Variants in EXOC5 observed in about 807,000 individuals in gnomAD.
The protein encoded by EXOC5 is SEC10-like 1.
A neutral mutation model predicts 90.8 loss-of-function variants in EXOC5; 17 were observed. That is an observed-to-expected ratio of 0.19 (90% CI 0.13 to 0.28). EXOC5 has a LOEUF of 0.28. Among genes scored for constraint, EXOC5 ranks in the 10% least tolerant of loss-of-function variants. The pLI is 1.00. For missense variants in EXOC5, 569 were observed against 830.6 expected (o/e 0.69, Z 3.87); for synonymous variants, 260 against 270.0 (o/e 0.96, Z 0.36).
At chr14:57,216,966 G>A (rs1446343181) in intron 15 of EXOC5, among the ~76,000 whole-genome samples, 1 of 152,080 alleles carries the variant, frequency 6.6e-6, no homozygotes, top group Non-Finnish European at 1.5e-5. Context: ...CAAAGAACCT[G>A]AATAAAAATT....
At chr14:57,236,555 G>C (rs973851152) in intron 6 of EXOC5, among the ~76,000 whole-genome samples, 5 of 151,844 alleles carry the variant, frequency 3.3e-5, no homozygotes, top group Non-Finnish European at 5.9e-5. Flanking sequence ...CAAAGTGCTG[G>C]GATTACAGGT....
chr14:57,219,497 G>A, intron 13 of EXOC5, 55 bp from the exon 14 acceptor site: 1 of 1,404,042 alleles, frequency 7.1e-7, no homozygotes, highest in South Asian at 1.4e-5. Flanking sequence ...ATTCATCTTG[G>A]CAACAGAAAA....
chr14:57,214,498 G>T (rs1882918425), intron 15 of EXOC5, among the ~76,000 whole-genome samples: 1 of 152,120 alleles, frequency 6.6e-6, no homozygotes, highest in South Asian at 2.1e-4. Flanking sequence ...AACTTATGAA[G>T]AATGGCCAAG....
At chr14:57,222,657 T>G (rs780465280) in intron 12 of EXOC5, among the ~76,000 whole-genome samples, 3 of 151,470 alleles carry the variant, frequency 2.0e-5, no homozygotes, top group Non-Finnish European at 4.4e-5. Context: ...TTGCAATCCA[T>G]TAGTGAAATC....
intron 15 of EXOC5, among the ~76,000 whole-genome samples, chr14:57,216,476 A>T (rs1316691816): frequency 2.6e-5 from 4 of 152,174 alleles, no homozygotes; most frequent in Non-Finnish European, 5.9e-5. Context: ...AGAGCCCAGA[A>T]ATAAATCCAT....
rs1041841867 is a variant in EXOC5 at position 57,200,878 on chromosome 14, C to G, written c.*7731G>C. The G allele has an allele frequency of 6.6e-6, 1 of 151,628 alleles. No homozygotes were observed. Among genetic ancestry groups the G allele is most frequent in the African/African-American group, 2.4e-5 (1 of 41,234 alleles). The allele number at this position is 151,628 out of a possible 1,614,324, so 9.4% of individuals were successfully genotyped here. On this transcript the variant is annotated 3_prime_UTR_variant, in exon 18 of 18. Transcript: ENST00000621441. ...TTTCTGCAATGACCATTCTTATTCC[C>G]TCAATTTGGTCCTAAAGCCAAAACT... is the stretch of plus-strand genomic sequence containing the variant.
rs1486872420 is a variant in EXOC5 at position 57,208,580 on chromosome 14, T to C, written c.*29A>G. On this transcript the variant is annotated 3_prime_UTR_variant, in exon 18 of 18. Transcript: ENST00000621441. ...ATAAGACATTCCTCTGTAAAGGAAC[T>C]GACACTGAATTCCTTTGTAAATTCA... 4 of 1,558,446 alleles carry C rather than the reference T, an allele frequency of 2.6e-6. No homozygotes were observed. Among genetic ancestry groups the C allele is most frequent in the South Asian group, 1.1e-5 (1 of 88,422 alleles).
rs974422749 is a variant in EXOC5, at chr14:57,231,659, G to C, written c.995C>G (p.Thr332Ser). ...MEFNLGTDKQ[T>S]FLSKLIKSIF... ...GGATTTGATAAGCTTAGACAAGAAA[G>C]TCTGTTTATCAGTACCTAAATTAAA... The change falls in exon 11 of 18, where the codon ACT (threonine) becomes AGT (serine). Residue 332 changes from threonine to serine, a missense_variant. Thr to Ser is a moderately conservative substitution (Grantham distance 58). Transcript: ENST00000621441. 2 of 1,613,096 alleles carry C rather than the reference G, an allele frequency of 1.2e-6. No individual in the cohort carries two copies. Among genetic ancestry groups the C allele is most frequent in the African/African-American group, 1.3e-5 (1 of 74,882 alleles).
chr14:57,261,594 A>T (rs563466614), intron 1 of EXOC5, among the ~76,000 whole-genome samples: 1 of 152,350 alleles, frequency 6.6e-6, no homozygotes, highest in South Asian at 2.1e-4. Context: ...CTGCCTAACA[A>T]CCACTCAAAT....
chr14:57,247,568 C>T (rs1884067046), intron 2 of EXOC5, 50 bp downstream of exon 2: 4 of 801,302 alleles, frequency 5.0e-6, no homozygotes, highest in East Asian at 2.8e-5. Context: ...TATTCTAACA[C>T]TAATGTGTAC....
Position 57,205,673 on chromosome 14 carries a change from T to C in EXOC5, c.*2936A>G, listed in dbSNP as rs1047919613. On this transcript the variant is annotated 3_prime_UTR_variant, in exon 18 of 18. Transcript: ENST00000621441. ...TCTCCACTTGGAATCAATCTACTGA[T>C]TGATAATTAAATTATTTCACTGTGA... 8.8e-6 allele frequency: 3 copies of C among 341,614 alleles called. No individual in the cohort carries two copies. Among genetic ancestry groups the C allele is most frequent in the African/African-American group, 6.5e-5 (3 of 46,030 alleles). 21.2% of individuals were successfully genotyped at this position (341,614 alleles called of 1,614,324 possible).
intron 1 of EXOC5, among the ~76,000 whole-genome samples, chr14:57,253,692 AG>A (rs1433549163): frequency 6.6e-6 from 1 of 152,190 alleles, no homozygotes; most frequent in Non-Finnish European, 1.5e-5. Context: ...TAGAAAGCCT[AG>A]AAAAAAAACC....
intron 12 of EXOC5, among the ~76,000 whole-genome samples, chr14:57,225,419 T>C (rs1229533234): frequency 2.0e-5 from 3 of 152,182 alleles, no homozygotes; most frequent in African/African-American, 7.2e-5. Flanking sequence ...AGATCAGAAA[T>C]AATGCAAAGT....
chr14:57,227,283 TAA>T (rs973966186), intron 12 of EXOC5, among the ~76,000 whole-genome samples: 1 of 151,082 alleles, frequency 6.6e-6, no homozygotes, highest in African/African-American at 2.4e-5. Context: ...GGCAGCTTCC[TAA>T]AAAAAAACCA....
At chr14:57,236,780 C>G (rs555737599) in intron 6 of EXOC5, among the ~76,000 whole-genome samples, 3 of 152,082 alleles carry the variant, frequency 2.0e-5, no homozygotes, top group Non-Finnish European at 4.4e-5. Context: ...CCAGCTACCA[C>G]AGAACCTGCA....
rs191178626 is a variant in EXOC5, at chr14:57,201,448, A to G, written c.*7161T>C. On this transcript the variant is annotated 3_prime_UTR_variant, in exon 18 of 18. Coordinates refer to ENST00000621441, the MANE Select transcript of EXOC5 (RefSeq NM_006544.4). Reference sequence around the variant, plus strand: ...TATATATACACACACACACGTGTGTATATATACACACGCGTGTATATGTAC... The same window carrying G: ...TATATATACACACACACACGTGTGTGTATATACACACGCGTGTATATGTAC... 2 of 146,078 alleles carry G rather than the reference A, an allele frequency of 1.4e-5. No individual in the cohort carries two copies. Among genetic ancestry groups the G allele is most frequent in the African/African-American group, 5.4e-5 (2 of 37,176 alleles). 9.0% of individuals were successfully genotyped at this position (146,078 alleles called of 1,614,324 possible).
intron 1 of EXOC5, among the ~76,000 whole-genome samples, chr14:57,253,298 G>A (rs1339730361): frequency 6.6e-6 from 1 of 151,988 alleles, no homozygotes; most frequent in Non-Finnish European, 1.5e-5. Flanking sequence ...GCACCAAAAA[G>A]AACAAAGTAT....
intron 13 of EXOC5, among the ~76,000 whole-genome samples, chr14:57,221,926 T>G (rs1312218686): frequency 1.3e-5 from 2 of 152,088 alleles, no homozygotes; most frequent in African/African-American, 4.8e-5. Flanking sequence ...GAATTTTAAT[T>G]TGAATCTATT....
intron 12 of EXOC5, among the ~76,000 whole-genome samples, chr14:57,228,261 T>C (rs943742848): frequency 6.6e-6 from 1 of 152,126 alleles, no homozygotes; most frequent in Non-Finnish European, 1.5e-5. Flanking sequence ...GGTGGGAGTG[T>C]AAACTAGTAC....
Sources: allele counts gnomAD v4.1 joint callset (sites outside exome capture counted in the v4.1 genomes callset), GRCh38; gene constraint gnomAD v4.1.1; transcripts MANE v1.5; gene names NCBI Gene and HGNC (gene_info 2026-07-23, HGNC 2026-07-21).